Variants in MYO16 observed in about 807,000 individuals in gnomAD.
MYO16 encodes the protein myosin XVI, also known as unconventional myosin-XVI.
MYO16 carries 94 observed loss-of-function variants against 205.3 expected under a neutral mutation model. The ratio of observed to expected loss-of-function variants is 0.46; its 90% CI spans 0.39 to 0.54. The LOEUF (loss-of-function observed/expected upper bound fraction) is 0.54, where lower values mean the gene tolerates loss of function less well. Ranked by LOEUF, MYO16 falls within the 20% of genes least tolerant of loss-of-function variation. The probability of loss-of-function intolerance (pLI) is 0.00; values close to 1 mark genes in which losing one functional copy is unlikely to be tolerated. For synonymous variants in MYO16, 988 were observed against 954.0 expected (o/e 1.04, Z -0.66); for missense variants, 2,315 against 2,387.5 (o/e 0.97, Z 0.63).
intron 20 of MYO16, among the ~76,000 whole-genome samples, chr13:108,987,077 T>C (rs1884665910): frequency 6.6e-6 from 1 of 152,162 alleles, no homozygotes; most frequent in South Asian, 2.1e-4. Context: ...TTTCTCTAAG[T>C]CTAATTAACT....
chr13:108,806,547 G>C (rs750454160), intron 6 of MYO16, 132 bp from the exon 7 acceptor site: 1 of 637,558 alleles, frequency 1.6e-6, no homozygotes, highest in Non-Finnish European at 2.5e-6. Flanking sequence ...TTGCATGTAT[G>C]TTCTTTTGTT....
chr13:108,871,043 A>G (rs1027642961), intron 12 of MYO16, among the ~76,000 whole-genome samples: 6 of 152,086 alleles, frequency 3.9e-5, no homozygotes, highest in African/African-American at 1.4e-4. Flanking sequence ...TTCGTTTTCT[A>G]CTTTTGTTTC....
intron 4 of MYO16, among the ~76,000 whole-genome samples, chr13:108,782,549 T>C (rs977875242): frequency 6.6e-6 from 1 of 152,204 alleles, no homozygotes; most frequent in African/African-American, 2.4e-5. Flanking sequence ...TGCAGAAATT[T>C]GCATAAGTGG....
chr13:108,573,928 G>C, the MYO16 span, among the ~76,000 whole-genome samples: 1 of 152,126 alleles, frequency 6.6e-6, no homozygotes, highest in Non-Finnish European at 1.5e-5. Context: ...ATGACTCACT[G>C]TAGCCTGGAC....
intron 1 of MYO16, among the ~76,000 whole-genome samples, chr13:108,635,264 C>T (rs1880170913): frequency 6.6e-6 from 1 of 152,126 alleles, no homozygotes; most frequent in Non-Finnish European, 1.5e-5. Flanking sequence ...GGAAACGTGC[C>T]TTCCTCCCAA....
At chr13:108,585,433 T>C in the MYO16 span, among the ~76,000 whole-genome samples, 1 of 152,184 alleles carries the variant, frequency 6.6e-6, no homozygotes, top group African/African-American at 2.4e-5. Context: ...GATAAAGGAT[T>C]GTGGAAACCA....
At chr13:108,881,786 T>C (rs1353197611) in intron 12 of MYO16, among the ~76,000 whole-genome samples, 1 of 152,144 alleles carries the variant, frequency 6.6e-6, no homozygotes, top group African/African-American at 2.4e-5. Context: ...CCAAGAAATA[T>C]GGGACTATGT....
At chr13:108,636,656 G>A (rs1323101604) in intron 1 of MYO16, among the ~76,000 whole-genome samples, 2 of 152,054 alleles carry the variant, frequency 1.3e-5, no homozygotes, top group East Asian at 1.9e-4. Context: ...GGGATTACAG[G>A]CGTGAGCCAC....
intron 2 of MYO16, among the ~76,000 whole-genome samples, chr13:108,669,289 A>T (rs1042178027): frequency 5.3e-5 from 8 of 152,064 alleles, no homozygotes; most frequent in African/African-American, 1.9e-4. Context: ...AAGCAGGAGG[A>T]AGCCTGAGAA....
intron 1 of MYO16, among the ~76,000 whole-genome samples, chr13:108,657,265 C>T (rs1881285616): frequency 1.3e-5 from 2 of 151,998 alleles, no homozygotes; most frequent in Admixed American, 6.6e-5. Context: ...AGAGCTTTTG[C>T]TTTGTTCTGT....
At chr13:109,163,399 G>A (rs867739825) in intron 32 of MYO16, among the ~76,000 whole-genome samples, 1 of 152,156 alleles carries the variant, frequency 6.6e-6, no homozygotes, top group African/African-American at 2.4e-5. Context: ...TAGGAGTTAA[G>A]AGGGACCAAG....
chr13:109,023,059 GTTTATA>G (rs1271427271), intron 23 of MYO16, among the ~76,000 whole-genome samples: 5 of 130,910 alleles, frequency 3.8e-5, no homozygotes, highest in South Asian at 2.3e-4. Flanking sequence ...GTAAGTATAT[GTTTATA>G]TTTATATATT....
intron 15 of MYO16, among the ~76,000 whole-genome samples, chr13:108,907,502 C>A (rs1205323238): frequency 6.6e-6 from 1 of 152,186 alleles, no homozygotes; most frequent in Non-Finnish European, 1.5e-5. Flanking sequence ...AGAAGCCCAT[C>A]ATACTCCTTC....
At chr13:109,050,704 TATTA>T (rs918853219) in intron 24 of MYO16, among the ~76,000 whole-genome samples, 7 of 152,324 alleles carry the variant, frequency 4.6e-5, no homozygotes, top group East Asian at 3.9e-4. Context: ...CCCACTGCTT[TATTA>T]ATTATTTATT....
chr13:108,815,227 A>G (rs908004905), intron 7 of MYO16, among the ~76,000 whole-genome samples: 44 of 152,302 alleles, frequency 2.9e-4, no homozygotes, highest in African/African-American at 1.0e-3. Context: ...TTGTTAAGGT[A>G]TCTGGGAAGG....
chr13:108,881,563 A>G (rs1229644599), intron 12 of MYO16, among the ~76,000 whole-genome samples: 1 of 152,186 alleles, frequency 6.6e-6, no homozygotes, highest in Non-Finnish European at 1.5e-5. Flanking sequence ...GATTAGACAA[A>G]TGGCTAACCA....
At chr13:109,200,850 A>G (rs562811198) in intron 34 of MYO16, among the ~76,000 whole-genome samples, 2 of 152,110 alleles carry the variant, frequency 1.3e-5, no homozygotes, top group African/African-American at 2.4e-5. Flanking sequence ...CACATCTAGT[A>G]TATTTTGGTC....
intron 4 of MYO16, among the ~76,000 whole-genome samples, chr13:108,729,431 A>C (rs1245628953): frequency 6.6e-6 from 1 of 152,208 alleles, no homozygotes; most frequent in Non-Finnish European, 1.5e-5. Context: ...TAGTTCAACT[A>C]GCTGCTTTAA....
intron 1 of MYO16, among the ~76,000 whole-genome samples, chr13:108,620,228 A>AAATGG (rs141884212): frequency 0.024 from 3,639 of 152,332 alleles, 109 homozygotes; most frequent in South Asian, 0.076. Context: ...AAGCCTTAAA[A>AAATGG]AATGGAGGTC....
Sources: allele counts gnomAD v4.1 joint callset (sites outside exome capture counted in the v4.1 genomes callset), GRCh38; gene constraint gnomAD v4.1.1; transcripts MANE v1.5; gene names NCBI Gene and HGNC (gene_info 2026-07-23, HGNC 2026-07-21).